The following KYNU variants were observed in gnomAD, a reference collection of about 807,000 sequenced individuals.
KYNU encodes L-kynurenine hydrolase.
A neutral mutation model predicts 59.2 loss-of-function variants in KYNU; 54 were observed. The observed-to-expected ratio is 0.91, with a 90% confidence interval of 0.73 to 1.14. The LOEUF is 1.14. Ranked by LOEUF, KYNU falls within the 50% of genes most tolerant of loss-of-function variation. The pLI is 0.00. For synonymous variants in KYNU, 177 were observed against 192.0 expected, an observed-to-expected ratio of 0.92 and a Z score of 0.65; for missense variants, 567 against 554.4, an observed-to-expected ratio of 1.02 and a Z score of -0.23.
intron 4 of KYNU, among the ~76,000 whole-genome samples, chr2:142,943,353 AGT>A (rs1320401945): frequency 6.6e-6 from 1 of 152,234 alleles, no homozygotes; most frequent in East Asian, 1.9e-4. Flanking sequence ...TTTAAAAAGA[AGT>A]TACCAGGAGG....
At chr2:142,909,158 CAA>C (rs1682397715) in intron 2 of KYNU, among the ~76,000 whole-genome samples, 2 of 107,492 alleles carry the variant, frequency 1.9e-5, no homozygotes, top group Admixed American at 2.1e-4. Context: ...AAACATATAT[CAA>C]GTTTTTTTTT....
chr2:143,020,265 T>C (rs1686367958), intron 10 of KYNU, among the ~76,000 whole-genome samples: 1 of 152,116 alleles, frequency 6.6e-6, no homozygotes, highest in Admixed American at 6.5e-5. Context: ...TAGGCATTTA[T>C]TGCCATAAAC....
intron 10 of KYNU, among the ~76,000 whole-genome samples, chr2:143,000,044 A>G (rs1685667056): frequency 6.6e-6 from 1 of 152,190 alleles, no homozygotes; most frequent in East Asian, 1.9e-4. Context: ...ATATCCAAAT[A>G]AAGACATAAA....
At chr2:142,932,388 C>T (rs568860292) in intron 4 of KYNU, among the ~76,000 whole-genome samples, 100 of 152,154 alleles carry the variant, frequency 6.6e-4, no homozygotes, top group Middle Eastern at 6.8e-3. Flanking sequence ...GAGAAACTGG[C>T]CTTGCACGGA....
At chr2:143,018,091 G>A (rs758572046) in intron 10 of KYNU, among the ~76,000 whole-genome samples, 82 of 152,150 alleles carry the variant, frequency 5.4e-4, no homozygotes, top group Admixed American at 4.6e-4. Context: ...TCTATAGGTT[G>A]TATGTTTACT....
At chr2:143,003,090 C>T (rs1685756468) in intron 10 of KYNU, among the ~76,000 whole-genome samples, 1 of 152,126 alleles carries the variant, frequency 6.6e-6, no homozygotes, top group South Asian at 2.1e-4. Context: ...GCCATCCATG[C>T]TTGCGGAAAG....
rs926590591 is a variant in KYNU, at chr2:143,044,191, T to A, written c.*2019T>A. The A allele has an allele frequency of 6.6e-6, 1 of 152,194 alleles. No individual in the cohort carries two copies. Among genetic ancestry groups the A allele is most frequent in the Admixed American group, 6.5e-5 (1 of 15,270 alleles). The allele number at this position is 152,194 out of a possible 1,614,324, so 9.4% of individuals were successfully genotyped here. A position where few individuals can be genotyped will look rare whatever the true frequency, so the allele number is the denominator to read the frequency against. On this transcript the variant is annotated 3_prime_UTR_variant, in exon 14 of 14. Transcript: ENST00000264170. Reference sequence around the variant, plus strand: ...CATTCTTTTTTATGGCTGCATAGTATTCCATGGTATATATGTGCCACATTT... The same window carrying A: ...CATTCTTTTTTATGGCTGCATAGTAATCCATGGTATATATGTGCCACATTT...
At chr2:142,965,977 C>G (rs1250132237) in intron 8 of KYNU, among the ~76,000 whole-genome samples, 1 of 152,092 alleles carries the variant, frequency 6.6e-6, no homozygotes, top group South Asian at 2.1e-4. Flanking sequence ...TGCTCTCTCT[C>G]TTTCTTTTTT....
chr2:142,968,720 C>A (rs766963272), intron 8 of KYNU, among the ~76,000 whole-genome samples: 2 of 152,014 alleles, frequency 1.3e-5, no homozygotes, highest in East Asian at 3.9e-4. Flanking sequence ...TCGAGACCAG[C>A]CTGAGCAACA....
chr2:142,909,009 C>T (rs948611123), intron 2 of KYNU, among the ~76,000 whole-genome samples: 1 of 152,146 alleles, frequency 6.6e-6, no homozygotes. Context: ...TTAAAAGTAA[C>T]ATATCAATAT....
chr2:143,037,020 C>A (rs1204452600), intron 12 of KYNU, among the ~76,000 whole-genome samples: 1 of 151,942 alleles, frequency 6.6e-6, no homozygotes, highest in Non-Finnish European at 1.5e-5. Context: ...ATTAATATGG[C>A]TTTTTTTAAT....
At chr2:142,886,173 A>G (rs1681504966) in intron 2 of KYNU, among the ~76,000 whole-genome samples, 1 of 152,202 alleles carries the variant, frequency 6.6e-6, no homozygotes, top group Non-Finnish European at 1.5e-5. Context: ...ATGATTCATC[A>G]TATTTAGCTT....
rs1344522072 is a variant in KYNU, at chr2:143,054,884, A to C, written c.*12712A>C. 6.6e-6 allele frequency: 1 copy of C among 152,186 alleles called. No individual in the cohort carries two copies. The highest frequency in any genetic ancestry group is 1.5e-5 in the Non-Finnish European group (1 of 68,022). The allele number at this position is 152,186 out of a possible 1,614,324, so 9.4% of individuals were successfully genotyped here. A position where few individuals can be genotyped will look rare whatever the true frequency, so the allele number is the denominator to read the frequency against. ...AATGCAATGTGTGGACTTGGTTGGG[A>C]TCTTCATTCAAAGACCAACTATAAA... On this transcript the variant is annotated 3_prime_UTR_variant, in exon 14 of 14. Transcript: ENST00000264170.
intron 2 of KYNU, among the ~76,000 whole-genome samples, chr2:142,904,587 G>C (rs1348911419): frequency 6.6e-6 from 1 of 152,118 alleles, no homozygotes; most frequent in Non-Finnish European, 1.5e-5. Context: ...TAGCCAACAG[G>C]GTTATCTGAG....
chr2:142,955,643 A>G (rs1249737929), intron 5 of KYNU, among the ~76,000 whole-genome samples: 1 of 152,110 alleles, frequency 6.6e-6, no homozygotes, highest in Non-Finnish European at 1.5e-5. Flanking sequence ...TAAATGTAAT[A>G]ATATGTGAAA....
At chr2:142,945,334 A>G (rs992508800) in intron 4 of KYNU, among the ~76,000 whole-genome samples, 2 of 152,252 alleles carry the variant, frequency 1.3e-5, no homozygotes, top group Non-Finnish European at 2.9e-5. Flanking sequence ...CATTTCAACA[A>G]TGTTCACAGC....
chr2:142,921,112 A>C (rs1313162549), intron 3 of KYNU, among the ~76,000 whole-genome samples: 1 of 152,208 alleles, frequency 6.6e-6, no homozygotes, highest in Non-Finnish European at 1.5e-5. Flanking sequence ...GAATTCTACA[A>C]GGGGTAGTTT....
chr2:142,895,796 C>T (rs1200951627), intron 2 of KYNU, among the ~76,000 whole-genome samples: 1 of 152,032 alleles, frequency 6.6e-6, no homozygotes, highest in Non-Finnish European at 1.5e-5. Context: ...GCAATTCTTC[C>T]ATCTTAGCCT....
intron 10 of KYNU, among the ~76,000 whole-genome samples, chr2:142,995,860 T>A (rs1361601385): frequency 6.6e-6 from 1 of 152,152 alleles, no homozygotes; most frequent in Non-Finnish European, 1.5e-5. Context: ...TTTTGTTTTG[T>A]GTTGTTTTGC....
Sources: allele counts gnomAD v4.1 joint callset (sites outside exome capture counted in the v4.1 genomes callset), GRCh38; gene constraint gnomAD v4.1.1; transcripts MANE v1.5; gene names NCBI Gene and HGNC (gene_info 2026-07-23, HGNC 2026-07-21).